SUDS3: variants seen among roughly 807,000 people sequenced by gnomAD.
SUDS3 encodes the protein SIN3A corepressor complex component SDS3, also known as sin3 histone deacetylase corepressor complex component SDS3.
SUDS3 carries 23 observed loss-of-function variants against 53.5 expected under a neutral mutation model. That is an observed-to-expected ratio of 0.43 (90% CI 0.31 to 0.61). The LOEUF is 0.61. Ranked by LOEUF, SUDS3 falls within the 20% of genes least tolerant of loss-of-function variation. The probability of loss-of-function intolerance (pLI) is 0.10; values close to 1 mark genes in which losing one functional copy is unlikely to be tolerated. For missense variants in SUDS3, 291 were observed against 405.9 expected, an observed-to-expected ratio of 0.72 and a Z score of 2.43; for synonymous variants, 150 against 148.5, an observed-to-expected ratio of 1.01 and a Z score of -0.08.
At chr12:118,408,081 A>T (rs2046323877) in intron 10 of SUDS3, among the ~76,000 whole-genome samples, 1 of 152,078 alleles carries the variant, frequency 6.6e-6, no homozygotes, top group African/African-American at 2.4e-5. Context: ...TTGTATTTTT[A>T]GTACAGACGG....
At chr12:118,389,837 G>A (rs1449093208) in intron 4 of SUDS3, 90 bp from the exon 5 acceptor site, 10 of 1,492,814 alleles carry the variant, frequency 6.7e-6, no homozygotes, top group African/African-American at 1.4e-5. Flanking sequence ...CTTTCAGAAA[G>A]CAATTACTGC....
At chr12:118,382,216 T>A (rs2046071623) in intron 2 of SUDS3, among the ~76,000 whole-genome samples, 2 of 151,958 alleles carry the variant, frequency 1.3e-5, no homozygotes, top group South Asian at 4.2e-4. Flanking sequence ...ATTTTTTTGT[T>A]GTTGTATTTT....
intron 11 of SUDS3, among the ~76,000 whole-genome samples, chr12:118,413,534 C>T (rs1217162713): frequency 6.6e-6 from 1 of 152,184 alleles, no homozygotes; most frequent in Non-Finnish European, 1.5e-5. Context: ...TCAGCCTGAT[C>T]AGCATGGTGT....
chr12:118,389,499 T>C (rs1593760487), intron 4 of SUDS3, among the ~76,000 whole-genome samples: 1 of 151,762 alleles, frequency 6.6e-6, no homozygotes. Context: ...ACAGCTGATA[T>C]GTTCAGGGCC....
At chr12:118,378,727 G>A (rs752252512) in intron 1 of SUDS3, among the ~76,000 whole-genome samples, 49 of 152,038 alleles carry the variant, frequency 3.2e-4, no homozygotes, top group Non-Finnish European at 1.0e-4. Context: ...CCAGGGTGGA[G>A]TGCAATGGCG....
At chr12:118,384,273 T>C (rs1484263523) in intron 3 of SUDS3, among the ~76,000 whole-genome samples, 2 of 152,228 alleles carry the variant, frequency 1.3e-5, no homozygotes, top group Non-Finnish European at 2.9e-5. Context: ...TTCCAGTATG[T>C]GTGAGATTCT....
rs2046404636 is a variant in SUDS3, at chr12:118,416,794, C to G, written c.*2361C>G. ...AAGGGGAAGACAGACTTTGAAGTTT[C>G]TAGACGAGAAGGAGGCTAGCTTCTA... On this transcript the variant is annotated 3_prime_UTR_variant, in exon 12 of 12. Coordinates refer to ENST00000543473, the MANE Select transcript of SUDS3 (RefSeq NM_022491.3). The G allele has an allele frequency of 6.6e-6, 1 of 152,158 alleles. No individual in the cohort carries two copies. Among genetic ancestry groups the G allele is most frequent in the Non-Finnish European group, 1.5e-5 (1 of 68,032 alleles). 9.4% of individuals were successfully genotyped at this position (152,158 alleles called of 1,614,324 possible).
intron 4 of SUDS3, among the ~76,000 whole-genome samples, chr12:118,388,167 A>G (rs1044114577): frequency 4.6e-5 from 7 of 152,238 alleles, no homozygotes. Flanking sequence ...ATGCCCAGCA[A>G]TTCCCAGTGC....
intron 1 of SUDS3, 119 bp downstream of exon 1, chr12:118,376,952 C>T (rs2046002962): frequency 3.2e-6 from 4 of 1,262,404 alleles, no homozygotes; most frequent in Non-Finnish European, 4.1e-6. Context: ...GTGGAGGGGC[C>T]GCCGGGAGTT....
intron 6 of SUDS3, among the ~76,000 whole-genome samples, chr12:118,397,052 A>C (rs1018106273): frequency 6.6e-6 from 1 of 152,192 alleles, no homozygotes; most frequent in Non-Finnish European, 1.5e-5. Context: ...CGCTCTCTCA[A>C]GTCTGCTTTA....
chr12:118,386,368 T>C (rs902672137), intron 4 of SUDS3, among the ~76,000 whole-genome samples, 183 bp downstream of exon 4: 3 of 152,204 alleles, frequency 2.0e-5, no homozygotes, highest in African/African-American at 2.4e-5. Context: ...TCTGCTTCTG[T>C]TGCTAAGGAA....
In SUDS3 at chr12:118,415,663, G is replaced by A. The variant is rs998845950; in HGVS notation, c.*1230G>A. 3 of 152,200 alleles carry A rather than the reference G, an allele frequency of 2.0e-5. No homozygotes were observed. The highest frequency in any genetic ancestry group is 4.8e-5 in the African/African-American group (2 of 41,534). The allele number at this position is 152,200 out of a possible 1,614,324, so 9.4% of individuals were successfully genotyped here. A position where few individuals can be genotyped will look rare whatever the true frequency, so the allele number is the denominator to read the frequency against. On this transcript the variant is annotated 3_prime_UTR_variant, in exon 12 of 12. Transcript: ENST00000543473. Reference sequence around the variant, plus strand: ...ATTTGGGGTTAGAGCAACTGTTAGCGTCTCTATGAGCAATCAGTAGAACTT... The same window carrying A: ...ATTTGGGGTTAGAGCAACTGTTAGCATCTCTATGAGCAATCAGTAGAACTT...
At chr12:118,413,121 T>C (rs2046372749) in intron 11 of SUDS3, among the ~76,000 whole-genome samples, 1 of 152,216 alleles carries the variant, frequency 6.6e-6, no homozygotes, top group African/African-American at 2.4e-5. Context: ...GTGAGGTCTT[T>C]AACTTTTTAA....
At chr12:118,407,610 C>T (rs745410462) in intron 10 of SUDS3, among the ~76,000 whole-genome samples, 2 of 152,094 alleles carry the variant, frequency 1.3e-5, no homozygotes, top group Non-Finnish European at 2.9e-5. Context: ...TACAATGCAT[C>T]TCATGAGAAT....
At chr12:118,377,464 C>A (rs899784192) in intron 1 of SUDS3, among the ~76,000 whole-genome samples, 4 of 152,074 alleles carry the variant, frequency 2.6e-5, no homozygotes, top group Non-Finnish European at 4.4e-5. Flanking sequence ...AAATGACATG[C>A]GCATAAAGTA....
chr12:118,380,848 G>T (rs1300930897), intron 2 of SUDS3, among the ~76,000 whole-genome samples: 13 of 151,458 alleles, frequency 8.6e-5, no homozygotes, highest in Non-Finnish European at 1.5e-4. Context: ...GGGATTACAG[G>T]TGCACGCCAC....
At chr12:118,403,099 C>G (rs2046278242) in intron 9 of SUDS3, among the ~76,000 whole-genome samples, 1 of 152,162 alleles carries the variant, frequency 6.6e-6, no homozygotes. Context: ...AATACTTGCC[C>G]TTTGATCACC....
intron 11 of SUDS3, 91 bp from the exon 12 acceptor site, chr12:118,414,244 G>A (rs1182398653): frequency 1.1e-5 from 10 of 912,150 alleles, no homozygotes; most frequent in African/African-American, 3.4e-5. Context: ...CCTTCTGCTT[G>A]CATCTCACTC....
intron 10 of SUDS3, chr12:118,404,573 A>T (rs909322297): frequency 6.6e-6 from 1 of 152,234 alleles, no homozygotes; most frequent in Non-Finnish European, 1.5e-5. Flanking sequence ...CTAGATATGA[A>T]ATGGATACTG....
Sources: gnomAD v4.1 joint callset for allele counts (sites outside exome capture counted in the v4.1 genomes callset) on GRCh38, gnomAD v4.1.1 for gene constraint, MANE v1.5 for transcripts, NCBI Gene and HGNC (gene_info 2026-07-23, HGNC 2026-07-21) for gene names.